KLRG1: variants seen among roughly 807,000 people sequenced by gnomAD.
KLRG1 encodes the protein killer cell lectin-like receptor subfamily G member 1.
KLRG1 carries 16 observed loss-of-function variants against 21.8 expected under a neutral mutation model. The observed-to-expected ratio is 0.73, with a 90% CI of 0.50 to 1.11. The LOEUF (loss-of-function observed/expected upper bound fraction) is 1.11. KLRG1 is among the 50% of genes most tolerant of loss of function. The pLI is 0.00. For synonymous variants in KLRG1, 69 were observed against 75.9 expected (o/e 0.91, Z 0.47); for missense variants, 173 against 218.3 (o/e 0.79, Z 1.31).
the KLRG1 span, among the ~76,000 whole-genome samples, chr12:9,123,011 T>C: frequency 6.6e-6 from 1 of 152,142 alleles, no homozygotes. Flanking sequence ...AAAGAAGTGG[T>C]ATAGACTGCT....
the KLRG1 span, among the ~76,000 whole-genome samples, chr12:9,096,542 A>G: frequency 6.6e-6 from 1 of 152,232 alleles, no homozygotes; most frequent in Non-Finnish European, 1.5e-5. Context: ...AAAATGCTCC[A>G]GATCTTCATA....
chr12:9,151,654 C>T, the KLRG1 span: 1 of 1,613,770 alleles, frequency 6.2e-7, no homozygotes. Context: ...GTCCGGCTCA[C>T]AGAGCTAGAT....
intron 3 of KLRG1, among the ~76,000 whole-genome samples, chr12:9,005,336 A>G (rs1947441048): frequency 6.6e-6 from 1 of 152,230 alleles, no homozygotes; most frequent in Non-Finnish European, 1.5e-5. Flanking sequence ...CATGTGCCCC[A>G]GAACTTAAAG....
chr12:8,992,011 C>T (rs985393012), intron 1 of KLRG1, 195 bp from the exon 2 acceptor site: 3 of 482,522 alleles, frequency 6.2e-6, no homozygotes, highest in Non-Finnish European at 1.1e-5. Flanking sequence ...ATAGTAAGTT[C>T]TTTGATACAG....
intron 3 of KLRG1, among the ~76,000 whole-genome samples, chr12:9,007,934 C>CT (rs1445617347): frequency 6.6e-6 from 1 of 152,112 alleles, no homozygotes; most frequent in Non-Finnish European, 1.5e-5. Context: ...CTATTTTAAT[C>CT]TTTAACATTT....
chr12:9,166,031 G>GA, the KLRG1 span: 1 of 1,585,016 alleles, frequency 6.3e-7, no homozygotes, highest in South Asian at 1.2e-5. Context: ...CCAGCAAATG[G>GA]AGGAAAGTAA....
chr12:9,072,874 G>C, the KLRG1 span: 1 of 1,611,750 alleles, frequency 6.2e-7, no homozygotes, highest in Non-Finnish European at 8.5e-7. Flanking sequence ...ACTGTGTCCT[G>C]TTAGAGACAG....
chr12:9,112,773 T>C, the KLRG1 span: 1 of 501,626 alleles, frequency 2.0e-6, no homozygotes, highest in Non-Finnish European at 3.6e-6. Context: ...ATTCACACCT[T>C]CATACAGCTC....
intron 3 of KLRG1, among the ~76,000 whole-genome samples, chr12:9,001,155 G>C (rs1947295636): frequency 6.6e-6 from 1 of 152,002 alleles, no homozygotes; most frequent in Non-Finnish European, 1.5e-5. Context: ...ACTCAATCTT[G>C]AGACATGTTT....
chr12:9,165,995 G>A, the KLRG1 span: 1 of 1,538,316 alleles, frequency 6.5e-7, no homozygotes, highest in Non-Finnish European at 8.7e-7. Flanking sequence ...AATTGAAAAT[G>A]TTGGAGGAAC....
At chr12:9,069,897 A>C in the KLRG1 span, 6 of 1,148,810 alleles carry the variant, frequency 5.2e-6, no homozygotes, top group South Asian at 7.6e-5. Context: ...GTATTGCCAA[A>C]ATAACCCTGA....
At chr12:9,086,093 C>G in the KLRG1 span, among the ~76,000 whole-genome samples, 2 of 152,164 alleles carry the variant, frequency 1.3e-5, no homozygotes, top group Admixed American at 1.3e-4. Context: ...CAATCCTTCT[C>G]AAACTCTGCC....
chr12:9,207,131 TGAA>T, the KLRG1 span, among the ~76,000 whole-genome samples: 1 of 152,288 alleles, frequency 6.6e-6, no homozygotes, highest in African/African-American at 2.4e-5. Flanking sequence ...CGCTTTGGCC[TGAA>T]GAAGGCTATT....
the KLRG1 span, among the ~76,000 whole-genome samples, chr12:9,102,496 G>A: frequency 1.3e-5 from 2 of 152,096 alleles, no homozygotes; most frequent in African/African-American, 2.4e-5. Context: ...GATTACAGGC[G>A]TGAGCTACCG....
the KLRG1 span, chr12:9,202,787 G>C: frequency 1.1e-5 from 12 of 1,102,382 alleles, no homozygotes; most frequent in African/African-American, 1.9e-4. Flanking sequence ...CTTCACCAAG[G>C]AGAAGGAAGG....
chr12:9,052,004 T>C, the KLRG1 span, among the ~76,000 whole-genome samples: 73 of 152,326 alleles, frequency 4.8e-4, no homozygotes, highest in Middle Eastern at 6.8e-3. Flanking sequence ...TGTCCATTTG[T>C]TGGGGAGCCC....
At chr12:9,000,367 C>A (rs975488281) in intron 3 of KLRG1, among the ~76,000 whole-genome samples, 3 of 152,142 alleles carry the variant, frequency 2.0e-5, no homozygotes, top group African/African-American at 7.2e-5. Context: ...GCATGATAAG[C>A]TAGGATATTT....
chr12:9,008,176 A>G (rs1279043471), intron 3 of KLRG1, among the ~76,000 whole-genome samples: 1 of 152,216 alleles, frequency 6.6e-6, no homozygotes, highest in Non-Finnish European at 1.5e-5. Flanking sequence ...GGGGAAAAAA[A>G]CAAGAATATT....
the KLRG1 span, chr12:9,110,087 T>C: frequency 1.3e-6 from 2 of 1,545,580 alleles, no homozygotes; most frequent in Non-Finnish European, 8.8e-7. Flanking sequence ...GCATTGGAGC[T>C]AATAAAAGAT....
Sources: allele counts gnomAD v4.1 joint callset (sites outside exome capture counted in the v4.1 genomes callset), GRCh38; gene constraint gnomAD v4.1.1; transcripts MANE v1.5; gene names NCBI Gene and HGNC (gene_info 2026-07-23, HGNC 2026-07-21).